The following RBFOX1 variants were observed in gnomAD, a reference collection of about 807,000 sequenced individuals.
RBFOX1 encodes RNA binding protein fox-1 homolog 1.
Under a neutral mutation model 57.7 loss-of-function variants are expected in RBFOX1, and 8 were observed. The ratio of observed to expected loss-of-function variants is 0.14; its 90% CI spans 0.08 to 0.25. The LOEUF is 0.25. Ranked by LOEUF, RBFOX1 falls within the 10% of genes least tolerant of loss-of-function variation. The probability of loss-of-function intolerance (pLI) is 1.00; values close to 1 mark genes in which losing one functional copy is unlikely to be tolerated. For missense variants in RBFOX1, 611 were observed against 548.5 expected (o/e 1.11, Z -1.14); for synonymous variants, 326 against 222.4 (o/e 1.47, Z -4.15).
At chr16:6,891,112 C>T (rs1355958702) in intron 3 of RBFOX1, among the ~76,000 whole-genome samples, 1 of 152,188 alleles carries the variant, frequency 6.6e-6, no homozygotes. Flanking sequence ...TCCATCCATT[C>T]ATTCATTAGT....
intron 3 of RBFOX1, among the ~76,000 whole-genome samples, chr16:6,783,511 A>G (rs1369254671): frequency 1.3e-5 from 2 of 151,790 alleles, no homozygotes; most frequent in Non-Finnish European, 2.9e-5. Flanking sequence ...CACAAAGAAA[A>G]AACATTAAAA....
intron 4 of RBFOX1, among the ~76,000 whole-genome samples, chr16:7,099,032 T>C (rs1048301539): frequency 3.9e-5 from 6 of 152,166 alleles, no homozygotes; most frequent in Admixed American, 1.3e-4. Context: ...CTCTCTCTTG[T>C]TAAATAGTTC....
intron 4 of RBFOX1, among the ~76,000 whole-genome samples, chr16:7,480,247 C>G (rs976707137): frequency 1.3e-5 from 2 of 152,150 alleles, no homozygotes; most frequent in Non-Finnish European, 2.9e-5. Context: ...CGGGAAGCAA[C>G]TTAGGGTTTT....
chr16:5,992,993 A>G (rs1319423291), intron 4 of RBFOX1, among the ~76,000 whole-genome samples: 3 of 152,196 alleles, frequency 2.0e-5, no homozygotes, highest in African/African-American at 7.2e-5. Flanking sequence ...GACTTGAGTC[A>G]GTAGTAGGAC....
chr16:6,544,288 A>G (rs1234934570), intron 2 of RBFOX1, among the ~76,000 whole-genome samples: 1 of 152,176 alleles, frequency 6.6e-6, no homozygotes, highest in Admixed American at 6.5e-5. Flanking sequence ...TTAGCCTCAT[A>G]ACTTTGAATG....
chr16:7,128,409 C>G (rs181900229), intron 4 of RBFOX1, among the ~76,000 whole-genome samples: 1 of 152,276 alleles, frequency 6.6e-6, no homozygotes, highest in East Asian at 1.9e-4. Flanking sequence ...AAAGAGTGAC[C>G]ATGAGTCTGA....
chr16:7,273,215 T>TCCC (rs2095369309), intron 4 of RBFOX1, among the ~76,000 whole-genome samples: 3 of 105,222 alleles, frequency 2.9e-5, no homozygotes, highest in African/African-American at 1.2e-4. Flanking sequence ...CCTTCCTTCC[T>TCCC]TCCTTCCTTC....
chr16:6,489,140 G>A (rs1337421366), intron 2 of RBFOX1, among the ~76,000 whole-genome samples: 1 of 152,024 alleles, frequency 6.6e-6, no homozygotes, highest in African/African-American at 2.4e-5. Context: ...TCTTTAGTAC[G>A]AGAAGTGCTG....
chr16:7,384,209 CATATATGAAAT>C (rs1308600673), intron 4 of RBFOX1, among the ~76,000 whole-genome samples: 3 of 151,260 alleles, frequency 2.0e-5, no homozygotes, highest in South Asian at 2.1e-4. Context: ...ATATATGAAA[CATATATGAAAT>C]ATATATATGA....
chr16:5,833,806 C>G (rs986375319), intron 3 of RBFOX1, among the ~76,000 whole-genome samples: 5 of 152,098 alleles, frequency 3.3e-5, no homozygotes, highest in African/African-American at 1.2e-4. Context: ...TAGCCCAGGC[C>G]CTGTCCAAAT....
intron 4 of RBFOX1, among the ~76,000 whole-genome samples, chr16:5,981,157 G>T (rs1392968983): frequency 1.3e-5 from 2 of 152,174 alleles, no homozygotes; most frequent in Admixed American, 6.5e-5. Context: ...AAAGACATTG[G>T]GTGACTTAGG....
In RBFOX1 at chr16:6,506,724, C is replaced by T. The variant is rs559174463; in HGVS notation, c.-63-147879C>T. Among the ~76,000 whole-genome samples, 15 of 139,106 alleles carry T rather than the reference C, an allele frequency of 1.1e-4. No individual in the cohort carries two copies. In the East Asian group the frequency reaches 1.1e-3, roughly 10 times the overall value. 91.3% of individuals were successfully genotyped at this position (139,106 alleles called of 152,430 possible). ...GTACAGTGGCTTCATCTTGGCTTAC[C>T]GCAACTTCTGCCTCCAGGTTCAGGT... On this transcript the variant is annotated intron_variant, in intron 2 of 15. Transcript: ENST00000550418.
In RBFOX1 at chr16:7,235,218, G is replaced by C. The variant is rs192636652; in HGVS notation, c.27+183120G>C. 3.3e-5 allele frequency among the ~76,000 whole-genome samples: 5 copies of C among 152,300 alleles called. No individual in the cohort carries two copies. In the East Asian group the frequency reaches 9.6e-4, roughly 29 times the overall value. ...ATGTTGACATTCCTTAGAAAGGAGA[G>C]AATAGCTCTGGGATGAGGATTTTTA... On this transcript the variant is annotated intron_variant, in intron 4 of 15. Transcript: ENST00000550418.
intron 2 of RBFOX1, among the ~76,000 whole-genome samples, chr16:5,534,566 G>A (rs2044620532): frequency 6.6e-6 from 1 of 152,162 alleles, no homozygotes; most frequent in African/African-American, 2.4e-5. Context: ...AACCAGCGCA[G>A]GAGAAAGATG....
rs138066851 is a variant in RBFOX1 at position 5,850,964 on chromosome 16, G to T, written c.319-16339G>T. Among the ~76,000 whole-genome samples the T allele has an allele frequency of 3.2e-3, 490 of 152,308 alleles. 4 individuals are homozygous for T. The highest frequency in any genetic ancestry group is 0.011 in the African/African-American group (476 of 41,582). ...TCGGGCATATCCTGCTGCGTTCCCGGAGGCTCATGCATCCTCTGAGCTAAG... is the reference window on the plus strand; with the variant it reads ...TCGGGCATATCCTGCTGCGTTCCCGTAGGCTCATGCATCCTCTGAGCTAAG... On this transcript the variant is annotated intron_variant, in intron 3 of 19. Coordinates refer to the RBFOX1 transcript ENST00000641259.
chr16:6,492,973 GA>G (rs1388503405), intron 2 of RBFOX1, among the ~76,000 whole-genome samples: 3 of 152,240 alleles, frequency 2.0e-5, no homozygotes, highest in Non-Finnish European at 2.9e-5. Context: ...ATGACTAAGA[GA>G]GGGGCAGGGA....
Position 6,886,624 on chromosome 16 carries a change from G to A in RBFOX1, c.-15-165433G>A, listed in dbSNP as rs562443133. Among the ~76,000 whole-genome samples the A allele has an allele frequency of 4.6e-5, 7 of 151,998 alleles. No individual in the cohort carries two copies. The East Asian group carries it at 9.9e-4, about 21-fold the overall frequency. On this transcript the variant is annotated intron_variant, in intron 3 of 15. Transcript: ENST00000550418. ...AAAAAAATTAGCTGGGCGTGGTGGT[G>A]CTCACCTGTAATCCTAGCTGCTCAG...
intron 1 of RBFOX1, among the ~76,000 whole-genome samples, chr16:5,354,564 C>T (rs1440085951): frequency 6.6e-6 from 1 of 152,232 alleles, no homozygotes; most frequent in Non-Finnish European, 1.5e-5. Flanking sequence ...TCAATACATT[C>T]TGGCTATTAG....
At chr16:6,498,944 T>A (rs754074921) in intron 2 of RBFOX1, among the ~76,000 whole-genome samples, 1 of 152,118 alleles carries the variant, frequency 6.6e-6, no homozygotes. Flanking sequence ...CTTGGAGCCT[T>A]CTCCTCCAAT....
Sources: allele counts gnomAD v4.1 joint callset (sites outside exome capture counted in the v4.1 genomes callset), GRCh38; gene constraint gnomAD v4.1.1; transcripts MANE v1.5; gene names NCBI Gene and HGNC (gene_info 2026-07-23, HGNC 2026-07-21).